CCDC91: variants seen among roughly 807,000 people sequenced by gnomAD.
CCDC91 encodes coiled-coil domain containing 91, also known as coiled-coil domain-containing protein 91.
In CCDC91, 48 loss-of-function variants were observed where a neutral mutation model predicts 63.2. The observed-to-expected ratio is 0.76, with a 90% CI of 0.60 to 0.97. The LOEUF is 0.97. Among genes scored for constraint, CCDC91 ranks in the 50% least tolerant of loss-of-function variants. CCDC91 has a pLI of 0.00. For missense variants in CCDC91, 500 were observed against 494.6 expected (o/e 1.01, Z -0.10); for synonymous variants, 167 against 165.8 (o/e 1.01, Z -0.06).
intron 8 of CCDC91, among the ~76,000 whole-genome samples, chr12:28,416,523 G>A (rs1156741614): frequency 6.6e-6 from 1 of 152,106 alleles, no homozygotes; most frequent in Admixed American, 6.6e-5. Flanking sequence ...GGTGGGAGTG[G>A]GTGGGTGGAT....
intron 1 of CCDC91, among the ~76,000 whole-genome samples, chr12:28,227,302 A>G (rs1224505638): frequency 2.0e-5 from 3 of 152,160 alleles, no homozygotes; most frequent in African/African-American, 7.2e-5. Context: ...TGAAGTAGCT[A>G]CATAGATTTT....
chr12:28,297,643 T>G (rs1949636636), intron 3 of CCDC91, among the ~76,000 whole-genome samples: 2 of 151,972 alleles, frequency 1.3e-5, no homozygotes, highest in Middle Eastern at 3.4e-3. Context: ...TAGATTTCTC[T>G]TAAAAAATTT....
In CCDC91 at chr12:28,227,424, C is replaced by A. The variant is rs118116658; in HGVS notation, c.-14-29778C>A. The stretch of plus-strand genomic sequence containing the variant: ...TGATTTCTAAATATGTTTATCCTAG[C>A]GATTCTTTCTACCTCTTTTTTTGAA... On this transcript the variant is annotated intron_variant, in intron 1 of 12. Coordinates refer to ENST00000536442, the MANE Select transcript of CCDC91 (RefSeq NM_018318.5). Among the ~76,000 whole-genome samples, 1,239 of 152,076 alleles carry A rather than the reference C, an allele frequency of 8.1e-3. 5 individuals carry two copies. The highest frequency in any genetic ancestry group is 0.014 in the Non-Finnish European group (952 of 67,920).
At chr12:28,533,698 C>T (rs1941926598) in intron 12 of CCDC91, among the ~76,000 whole-genome samples, 1 of 151,810 alleles carries the variant, frequency 6.6e-6, no homozygotes, top group African/African-American at 2.4e-5. Flanking sequence ...ATTACAATGA[C>T]CCTTAATATA....
chr12:28,332,470 AGAT>A (rs1941592220), intron 6 of CCDC91, among the ~76,000 whole-genome samples: 1 of 152,232 alleles, frequency 6.6e-6, no homozygotes, highest in Non-Finnish European at 1.5e-5. Flanking sequence ...ATTTTTAAAA[AGAT>A]GATTAGAAAA....
intron 1 of CCDC91, among the ~76,000 whole-genome samples, chr12:28,219,634 GC>G (rs1399107589): frequency 6.6e-6 from 1 of 151,916 alleles, no homozygotes; most frequent in East Asian, 1.9e-4. Flanking sequence ...AGCACACCTG[GC>G]TAATTTTTTG....
chr12:28,196,736 T>G (rs2121326283), intron 1 of CCDC91, among the ~76,000 whole-genome samples: 1 of 152,324 alleles, frequency 6.6e-6, no homozygotes, highest in South Asian at 2.1e-4. Context: ...AAAGGAAGAC[T>G]ATAAAAAAAG....
At chr12:28,209,159 C>T (rs1410574413) in intron 1 of CCDC91, among the ~76,000 whole-genome samples, 1 of 152,170 alleles carries the variant, frequency 6.6e-6, no homozygotes, top group African/African-American at 2.4e-5. Context: ...AGCCAAATTT[C>T]ACCCTTGCAT....
chr12:28,391,150 A>G (rs1169128256), intron 7 of CCDC91, among the ~76,000 whole-genome samples, 154 bp from the exon 8 acceptor site: 2 of 152,054 alleles, frequency 1.3e-5, no homozygotes, highest in Non-Finnish European at 2.9e-5. Flanking sequence ...AAGTAATGTT[A>G]TATATAAATG....
At chr12:28,350,753 A>C (rs1301377908) in intron 6 of CCDC91, among the ~76,000 whole-genome samples, 1 of 152,138 alleles carries the variant, frequency 6.6e-6, no homozygotes, top group Non-Finnish European at 1.5e-5. Context: ...TTCTCATGGC[A>C]CGTGACATTT....
At chr12:28,499,974 G>T (rs190813835) in intron 12 of CCDC91, among the ~76,000 whole-genome samples, 47 of 152,174 alleles carry the variant, frequency 3.1e-4, no homozygotes, top group Admixed American at 2.6e-3. Context: ...GTGTAAAAGC[G>T]TTCCTGTTTC....
In CCDC91 at chr12:28,288,805, C is replaced by G. The variant is rs534174373; in HGVS notation, c.110-16844C>G. On this transcript the variant is annotated intron_variant, in intron 3 of 12. Transcript: ENST00000536442. ...TGGTAGAATTCAGATGTGGATATGT[C>G]TAGTCCTGGGCTTTTATTGGTTGGT... Among the ~76,000 whole-genome samples, 8 of 152,204 alleles carry G rather than the reference C, an allele frequency of 5.3e-5. No homozygotes were observed. In the East Asian group the frequency reaches 7.7e-4, roughly 15 times the overall value.
At chr12:28,317,770 A>C (rs1158791363) in intron 6 of CCDC91, among the ~76,000 whole-genome samples, 1 of 151,906 alleles carries the variant, frequency 6.6e-6, no homozygotes, top group South Asian at 2.1e-4. Context: ...GTTACCACTT[A>C]TTTGATTCTG....
At chr12:28,464,425 G>T in intron 11 of CCDC91, among the ~76,000 whole-genome samples, 1 of 152,164 alleles carries the variant, frequency 6.6e-6, no homozygotes, top group East Asian at 1.9e-4. Context: ...AGCTCCAAAA[G>T]AGACCCCTTC....
chr12:28,353,799 T>G (rs1336288427), intron 6 of CCDC91, among the ~76,000 whole-genome samples: 3 of 152,156 alleles, frequency 2.0e-5, no homozygotes, highest in Non-Finnish European at 1.5e-5. Flanking sequence ...TTGTTACAAT[T>G]ACCAAGATTT....
chr12:28,501,143 C>T (rs1388146443), intron 12 of CCDC91, among the ~76,000 whole-genome samples: 5 of 151,852 alleles, frequency 3.3e-5, no homozygotes, highest in African/African-American at 9.7e-5. Context: ...GCACTCTAGT[C>T]ATCAGCAAAC....
intron 6 of CCDC91, among the ~76,000 whole-genome samples, chr12:28,325,019 C>T (rs1466376923): frequency 6.6e-6 from 1 of 151,834 alleles, no homozygotes; most frequent in Non-Finnish European, 1.5e-5. Flanking sequence ...GCAGAATGTG[C>T]TATTTGTCAT....
Position 28,527,455 on chromosome 12 carries a change from C to T in CCDC91, c.1216-21608C>T, listed in dbSNP as rs558717010. The stretch of plus-strand genomic sequence containing the variant: ...CTGCACAGAGTCCTGTGATGTGAAC[C>T]ATCTTTGGGTCTCTCAGCCATGGAT... On this transcript the variant is annotated intron_variant, in intron 12 of 12. Transcript: ENST00000536442. Among the ~76,000 whole-genome samples, 142 of 152,224 alleles carry T rather than the reference C, an allele frequency of 9.3e-4. 1 individual carries two copies. The highest frequency in any genetic ancestry group is 1.8e-3 in the Non-Finnish European group (122 of 68,048).
At chr12:28,377,365 CATT>C (rs1425905792) in intron 7 of CCDC91, among the ~76,000 whole-genome samples, 1 of 151,520 alleles carries the variant, frequency 6.6e-6, no homozygotes, top group Non-Finnish European at 1.5e-5. Context: ...AGTGTTGAAA[CATT>C]ATCGAATTTT....
Sources: gnomAD v4.1 joint callset for allele counts (sites outside exome capture counted in the v4.1 genomes callset) on GRCh38, gnomAD v4.1.1 for gene constraint, MANE v1.5 for transcripts, NCBI Gene and HGNC (gene_info 2026-07-23, HGNC 2026-07-21) for gene names.